The following SEM1 variants were observed in gnomAD, a reference collection of about 807,000 sequenced individuals.
SEM1 encodes the protein 26S proteasome complex subunit SEM1.
A neutral mutation model predicts 12.7 loss-of-function variants in SEM1; 3 were observed. The observed-to-expected ratio is 0.24, with a 90% CI of 0.11 to 0.61. SEM1 has a LOEUF of 0.61. SEM1 is among the 20% of genes least tolerant of loss of function. The pLI is 0.88. For synonymous variants in SEM1, 30 were observed against 27.8 expected (o/e 1.08, Z -0.25); for missense variants, 59 against 81.3 (o/e 0.73, Z 1.06).
In SEM1 at chr7:96,487,945, A is replaced by G. The variant is rs557380758; in HGVS notation, c.13-1528T>C. On this transcript the variant is annotated intron_variant, in intron 1 of 3. Transcript: ENST00000356686. ...TTGGGGCAACTCTGTAAGGACTCCA[A>G]GGCAGATGTCCCCAAGCTATGTCTG... Among the ~76,000 whole-genome samples, 13 of 150,336 alleles carry G rather than the reference A, an allele frequency of 8.6e-5. No homozygotes were observed. The East Asian group carries it at 2.1e-3, about 25-fold the overall frequency.
At chr7:96,575,186 T>C (rs902955358) in intron 2 of SEM1, among the ~76,000 whole-genome samples, 8 of 151,568 alleles carry the variant, frequency 5.3e-5, no homozygotes, top group Non-Finnish European at 1.5e-5. Context: ...ATGCTATTGC[T>C]TTCTATTTGT....
intron 1 of SEM1, among the ~76,000 whole-genome samples, chr7:96,704,014 C>CACACACACAT (rs3219557): frequency 6.0e-5 from 9 of 149,076 alleles, no homozygotes; most frequent in Non-Finnish European, 1.3e-4. Context: ...CACACACATA[C>CACACACACAT]ATAAAAGAAC....
intron 2 of SEM1, among the ~76,000 whole-genome samples, chr7:96,564,265 C>T (rs374801732): frequency 1.5e-4 from 23 of 151,634 alleles, no homozygotes; most frequent in Middle Eastern, 3.2e-3. Flanking sequence ...CTTCATCTTA[C>T]GATTTTATAA....
At chr7:96,584,640 C>A (rs2116085461) in intron 2 of SEM1, among the ~76,000 whole-genome samples, 1 of 150,114 alleles carries the variant, frequency 6.7e-6, no homozygotes, top group East Asian at 1.9e-4. Context: ...CACATAGTCC[C>A]ATATTTCTTG....
chr7:96,551,880 C>A (rs116322307), intron 2 of SEM1, among the ~76,000 whole-genome samples: 1 of 152,100 alleles, frequency 6.6e-6, no homozygotes, highest in Non-Finnish European at 1.5e-5. Flanking sequence ...CTGGAAGGAA[C>A]CAGCCCTGCC....
intron 2 of SEM1, among the ~76,000 whole-genome samples, chr7:96,513,825 T>G (rs1408093549): frequency 6.6e-6 from 1 of 152,006 alleles, no homozygotes; most frequent in South Asian, 2.1e-4. Context: ...CAAGACTCTG[T>G]CTCAAAAATA....
chr7:96,526,629 C>A (rs999943496), intron 2 of SEM1, among the ~76,000 whole-genome samples: 1 of 152,064 alleles, frequency 6.6e-6, no homozygotes, highest in Non-Finnish European at 1.5e-5. Context: ...CCAAACAGTG[C>A]CTTCCTTGAT....
intron 2 of SEM1, among the ~76,000 whole-genome samples, chr7:96,661,988 C>CAAA (rs890732912): frequency 8.3e-5 from 3 of 36,004 alleles, no homozygotes; most frequent in Non-Finnish European, 1.3e-4. Context: ...AACTCCGTCT[C>CAAA]AAAAAAAAAA....
intron 2 of SEM1, among the ~76,000 whole-genome samples, chr7:96,572,125 G>A (rs1401155905): frequency 1.3e-5 from 2 of 152,112 alleles, no homozygotes; most frequent in East Asian, 3.9e-4. Flanking sequence ...GGGATCGGTG[G>A]TGATATCCTC....
intron 2 of SEM1, among the ~76,000 whole-genome samples, chr7:96,628,157 A>T (rs555285832): frequency 2.4e-4 from 37 of 151,306 alleles, no homozygotes; most frequent in Non-Finnish European, 4.9e-4. Flanking sequence ...GTGTGTCTTT[A>T]TAGTTATCTT....
At chr7:96,632,952 C>A (rs950533293) in intron 2 of SEM1, among the ~76,000 whole-genome samples, 1 of 151,896 alleles carries the variant, frequency 6.6e-6, no homozygotes, top group Non-Finnish European at 1.5e-5. Flanking sequence ...AATTTCTAAG[C>A]AAAGTTTGAC....
chr7:96,508,164 G>A (rs1426992579), intron 2 of SEM1, among the ~76,000 whole-genome samples: 1 of 152,034 alleles, frequency 6.6e-6, no homozygotes, highest in African/African-American at 2.4e-5. Context: ...ATAGGAAAAA[G>A]AACAAGATTA....
intron 1 of SEM1, among the ~76,000 whole-genome samples, chr7:96,489,027 A>G (rs1318754315): frequency 2.0e-5 from 3 of 152,110 alleles, no homozygotes; most frequent in Non-Finnish European, 4.4e-5. Context: ...GAATAGTAAC[A>G]AAATTGTCAG....
intron 2 of SEM1, among the ~76,000 whole-genome samples, chr7:96,641,103 T>G (rs1485882151): frequency 2.0e-5 from 3 of 151,638 alleles, no homozygotes; most frequent in African/African-American, 7.2e-5. Flanking sequence ...TTTCAATATT[T>G]TTAGGTAGTA....
chr7:96,680,540 C>G (rs1789579184), intron 2 of SEM1, among the ~76,000 whole-genome samples: 2 of 152,028 alleles, frequency 1.3e-5, no homozygotes, highest in South Asian at 4.1e-4. Flanking sequence ...GGAATGTTAG[C>G]TAATGGTTCT....
chr7:96,523,557 G>A (rs1022449016), intron 2 of SEM1, among the ~76,000 whole-genome samples: 1 of 152,008 alleles, frequency 6.6e-6, no homozygotes, highest in Non-Finnish European at 1.5e-5. Flanking sequence ...TCTGATCATC[G>A]TTCTCCTCTC....
At chr7:96,709,272 G>T (rs1413927566) in intron 1 of SEM1, among the ~76,000 whole-genome samples, 3 of 152,180 alleles carry the variant, frequency 2.0e-5, no homozygotes, top group East Asian at 3.8e-4. Flanking sequence ...AAGTTAAGCA[G>T]CATTGGCGTA....
intron 2 of SEM1, among the ~76,000 whole-genome samples, chr7:96,690,758 A>T (rs925951500): frequency 3.9e-4 from 60 of 152,164 alleles, no homozygotes; most frequent in Admixed American, 1.8e-3. Context: ...TTGGTAAATC[A>T]GGAACTATAC....
chr7:96,610,761 C>A (rs1807515375), intron 2 of SEM1, among the ~76,000 whole-genome samples: 1 of 152,136 alleles, frequency 6.6e-6, no homozygotes, highest in South Asian at 2.1e-4. Context: ...AAATACTGAG[C>A]CTGGGGGCAG....
Sources: allele counts gnomAD v4.1 joint callset (sites outside exome capture counted in the v4.1 genomes callset), GRCh38; gene constraint gnomAD v4.1.1; transcripts MANE v1.5; gene names NCBI Gene and HGNC (gene_info 2026-07-23, HGNC 2026-07-21).